FSTL5: variants seen among roughly 807,000 people sequenced by gnomAD.
FSTL5 encodes follistatin like 5.
In FSTL5, 62 loss-of-function variants were observed where a neutral mutation model predicts 89.1. The ratio of observed to expected loss-of-function variants is 0.70; its 90% CI spans 0.57 to 0.86. The LOEUF (loss-of-function observed/expected upper bound fraction) is 0.86. Among genes scored for constraint, FSTL5 ranks in the 40% least tolerant of loss-of-function variants. The probability of loss-of-function intolerance (pLI) is 0.00; values close to 1 mark genes in which losing one functional copy is unlikely to be tolerated. For synonymous variants in FSTL5, 383 were observed against 346.2 expected, an observed-to-expected ratio of 1.11 and a Z score of -1.18; for missense variants, 1,057 against 1,001.6, an observed-to-expected ratio of 1.06 and a Z score of -0.75.
At chr4:161,809,092 G>T (rs1002563981) in intron 4 of FSTL5, among the ~76,000 whole-genome samples, 2 of 152,070 alleles carry the variant, frequency 1.3e-5, no homozygotes, top group African/African-American at 4.8e-5. Flanking sequence ...GGTGGCGGCT[G>T]CCTGTAGTCC....
intron 4 of FSTL5, among the ~76,000 whole-genome samples, chr4:161,895,014 A>C (rs1733110329): frequency 6.6e-6 from 1 of 152,178 alleles, no homozygotes; most frequent in Non-Finnish European, 1.5e-5. Context: ...GTGCTTTGGG[A>C]GTTACATTCT....
chr4:161,854,824 A>T (rs969529647), intron 4 of FSTL5, among the ~76,000 whole-genome samples: 7 of 152,040 alleles, frequency 4.6e-5, no homozygotes, highest in Admixed American at 1.3e-4. Context: ...GGTTAAACTT[A>T]TATTTACCAT....
chr4:162,134,991 T>G (rs1444863944), intron 1 of FSTL5, among the ~76,000 whole-genome samples: 1 of 152,246 alleles, frequency 6.6e-6, no homozygotes, highest in Non-Finnish European at 1.5e-5. Context: ...CATTTGCATG[T>G]GCTAACTTGG....
At chr4:161,777,363 A>G (rs1197921004) in intron 4 of FSTL5, among the ~76,000 whole-genome samples, 1 of 151,964 alleles carries the variant, frequency 6.6e-6, no homozygotes, top group Non-Finnish European at 1.5e-5. Flanking sequence ...ATAAGAGTGC[A>G]GATATCTCTT....
chr4:161,683,398 T>C (rs939653924), intron 6 of FSTL5, among the ~76,000 whole-genome samples: 7 of 152,292 alleles, frequency 4.6e-5, no homozygotes, highest in African/African-American at 1.7e-4. Context: ...TAATATATCA[T>C]TAGATATGTG....
intron 15 of FSTL5, among the ~76,000 whole-genome samples, chr4:161,453,619 AG>A (rs1733247569): frequency 6.6e-6 from 1 of 152,106 alleles, no homozygotes; most frequent in African/African-American, 2.4e-5. Context: ...ATTTTTTGAC[AG>A]GGTCTGGCTC....
chr4:161,679,525 T>C (rs1027492277), intron 6 of FSTL5, among the ~76,000 whole-genome samples: 1 of 151,872 alleles, frequency 6.6e-6, no homozygotes, highest in Non-Finnish European at 1.5e-5. Context: ...GTGCTAGTTA[T>C]TCCTACACTA....
chr4:162,043,133 C>T (rs1738034842), intron 2 of FSTL5: 1 of 152,124 alleles, frequency 6.6e-6, no homozygotes, highest in Admixed American at 6.5e-5. Context: ...AGAAAATGTT[C>T]TTTAATGTGT....
At chr4:161,735,780 T>G (rs1367453247) in intron 6 of FSTL5, among the ~76,000 whole-genome samples, 1 of 152,152 alleles carries the variant, frequency 6.6e-6, no homozygotes, top group African/African-American at 2.4e-5. Flanking sequence ...TTTAACCAAA[T>G]GTACAGACTC....
At chr4:161,538,063 T>C in intron 10 of FSTL5, 103 bp downstream of exon 10, 1 of 992,904 alleles carries the variant, frequency 1.0e-6, no homozygotes, top group Non-Finnish European at 1.5e-6. Context: ...TTATAATGCA[T>C]TGTGCAATTC....
At chr4:162,002,134 G>T (rs1460906913) in intron 3 of FSTL5, among the ~76,000 whole-genome samples, 1 of 152,082 alleles carries the variant, frequency 6.6e-6, no homozygotes, top group Non-Finnish European at 1.5e-5. Context: ...ACTATAAACT[G>T]AAAGAGATTT....
At chr4:161,823,661 C>T (rs1006584570) in intron 4 of FSTL5, among the ~76,000 whole-genome samples, 1 of 152,116 alleles carries the variant, frequency 6.6e-6, no homozygotes, top group African/African-American at 2.4e-5. Flanking sequence ...TCATGGGGTT[C>T]CTGCCCTGCA....
intron 3 of FSTL5, among the ~76,000 whole-genome samples, chr4:161,953,833 A>T (rs1240814602): frequency 6.6e-6 from 1 of 151,676 alleles, no homozygotes; most frequent in Non-Finnish European, 1.5e-5. Flanking sequence ...CTGTATAATT[A>T]TAAGTTAGAT....
intron 3 of FSTL5, among the ~76,000 whole-genome samples, chr4:161,938,762 T>C (rs757671571): frequency 5.3e-5 from 8 of 152,040 alleles, no homozygotes; most frequent in Non-Finnish European, 1.0e-4. Flanking sequence ...CACTTGGTTA[T>C]AAGATCCTTT....
chr4:161,836,152 T>G (rs1364890820), intron 4 of FSTL5, among the ~76,000 whole-genome samples: 1 of 151,638 alleles, frequency 6.6e-6, no homozygotes, highest in African/African-American at 2.4e-5. Context: ...ATGTCCTTTG[T>G]AGGGACATGG....
intron 4 of FSTL5, among the ~76,000 whole-genome samples, chr4:161,847,993 G>A (rs1221202942): frequency 8.5e-6 from 1 of 117,114 alleles, no homozygotes; most frequent in African/African-American, 3.2e-5. Context: ...CTGACATCGC[G>A]CCACTGCACT....
intron 4 of FSTL5, among the ~76,000 whole-genome samples, chr4:161,869,039 T>A (rs1405512236): frequency 6.6e-6 from 1 of 151,928 alleles, no homozygotes; most frequent in Non-Finnish European, 1.5e-5. Flanking sequence ...CTGGCCAACA[T>A]GGTGAAACCT....
chr4:161,673,450 C>T (rs2126700531), intron 6 of FSTL5, among the ~76,000 whole-genome samples: 1 of 152,072 alleles, frequency 6.6e-6, no homozygotes, highest in Admixed American at 6.6e-5. Flanking sequence ...AAATACATTT[C>T]TTCCTTAAAT....
intron 13 of FSTL5, among the ~76,000 whole-genome samples, chr4:161,461,000 G>C (rs115520062): frequency 6.6e-6 from 1 of 152,164 alleles, no homozygotes; most frequent in South Asian, 2.1e-4. Context: ...GTAAAGATTA[G>C]TATGATGCAT....
Sources: gnomAD v4.1 joint callset for allele counts (sites outside exome capture counted in the v4.1 genomes callset) on GRCh38, gnomAD v4.1.1 for gene constraint, MANE v1.5 for transcripts, NCBI Gene and HGNC (gene_info 2026-07-23, HGNC 2026-07-21) for gene names.